The following DPYD variants were observed in gnomAD, a reference collection of about 807,000 sequenced individuals.
DPYD encodes the protein dihydropyrimidine dehydrogenase.
A neutral mutation model predicts 116.2 loss-of-function variants in DPYD; 109 were observed. The observed-to-expected ratio is 0.94, with a 90% CI of 0.80 to 1.10. The LOEUF (loss-of-function observed/expected upper bound fraction) is 1.10. DPYD is among the 50% of genes least tolerant of loss of function. The pLI is 0.00. For missense variants in DPYD, 1,302 were observed against 1,254.5 expected (o/e 1.04, Z -0.57); for synonymous variants, 440 against 432.0 (o/e 1.02, Z -0.23).
intron 18 of DPYD, among the ~76,000 whole-genome samples, chr1:97,277,382 A>G (rs1159709387): frequency 6.6e-6 from 1 of 151,976 alleles, no homozygotes; most frequent in Non-Finnish European, 1.5e-5. Context: ...TTAAAAAAAA[A>G]AAGAGAACAC....
chr1:97,173,862 A>G (rs1008745613), intron 20 of DPYD, among the ~76,000 whole-genome samples: 2 of 147,902 alleles, frequency 1.4e-5, no homozygotes, highest in Admixed American at 1.4e-4. Flanking sequence ...CAAAGGCAGA[A>G]ATCCTGAATG....
intron 18 of DPYD, among the ~76,000 whole-genome samples, chr1:97,252,444 T>C (rs551065321): frequency 1.3e-5 from 2 of 152,330 alleles, no homozygotes; most frequent in East Asian, 3.9e-4. Flanking sequence ...AGATGCTCTT[T>C]CTTGTTTTTT....
chr1:97,348,024 CTAAT>C (rs1262324381), intron 16 of DPYD, among the ~76,000 whole-genome samples: 1 of 152,050 alleles, frequency 6.6e-6, no homozygotes, highest in Non-Finnish European at 1.5e-5. Flanking sequence ...ATCTTTTTGA[CTAAT>C]TAGATTTCAA....
At chr1:97,521,403 G>A (rs1648652158) in intron 12 of DPYD, among the ~76,000 whole-genome samples, 1 of 152,106 alleles carries the variant, frequency 6.6e-6, no homozygotes, top group African/African-American at 2.4e-5. Flanking sequence ...ACTGCTCAAG[G>A]AAATAAGAGA....
At chr1:97,599,882 AAAAAAAAAAAAAAAT>A in intron 8 of DPYD, among the ~76,000 whole-genome samples, 1 of 146,008 alleles carries the variant, frequency 6.8e-6, no homozygotes, top group African/African-American at 2.6e-5. Context: ...AAAAAAAAAA[AAAAAAAAAAAAAAAT>A]TAGCCGGGCG....
chr1:97,291,801 A>T (rs1173912144), intron 18 of DPYD, among the ~76,000 whole-genome samples: 1 of 152,180 alleles, frequency 6.6e-6, no homozygotes, highest in Non-Finnish European at 1.5e-5. Flanking sequence ...GCTAAACTGC[A>T]CATTGTGCAC....
At chr1:97,809,742 G>T (rs1363043228) in intron 3 of DPYD, among the ~76,000 whole-genome samples, 1 of 152,060 alleles carries the variant, frequency 6.6e-6, no homozygotes, top group Non-Finnish European at 1.5e-5. Context: ...ACTGGGTTAA[G>T]GTGGAGAACC....
At chr1:97,129,504 A>G (rs1182879244) in intron 20 of DPYD, among the ~76,000 whole-genome samples, 1 of 152,070 alleles carries the variant, frequency 6.6e-6, no homozygotes, top group African/African-American at 2.4e-5. Flanking sequence ...GCTTCGTGTG[A>G]CCTCTGACTT....
rs368519011 is a variant in DPYD, at chr1:97,193,071, T to C, written c.2620A>G (p.Lys874Glu). The change falls in exon 20 of 23, where the codon AAG becomes GAG. Residue 874 changes from lysine to glutamate, a missense_variant and splice_region_variant. Coordinates refer to ENST00000370192, the MANE Select transcript of DPYD (RefSeq NM_000110.4). ...ACACAGGAGATTTAAGCACATACCTTGTCCATGAGTTCAGCTATACGTGGA... is the reference window on the plus strand; with the variant it reads ...ACACAGGAGATTTAAGCACATACCTCGTCCATGAGTTCAGCTATACGTGGA... ...PVPRIAELMDKKLPSFGPYLE... is the reference protein window; with the variant it reads ...PVPRIAELMDEKLPSFGPYLE... 3.1e-6 allele frequency: 5 copies of C among 1,613,758 alleles called. No homozygotes were observed. Among genetic ancestry groups the C allele is most frequent in the Non-Finnish European group, 4.2e-6 (5 of 1,179,842 alleles).
chr1:97,115,882 T>C (rs1235827746), intron 20 of DPYD, among the ~76,000 whole-genome samples: 1 of 152,140 alleles, frequency 6.6e-6, no homozygotes, highest in Non-Finnish European at 1.5e-5. Flanking sequence ...AAATACATAA[T>C]AAGTAAGAAA....
chr1:97,234,469 T>G (rs775197877), intron 19 of DPYD, among the ~76,000 whole-genome samples: 1 of 152,162 alleles, frequency 6.6e-6, no homozygotes, highest in Non-Finnish European at 1.5e-5. Context: ...GGATCAAATT[T>G]GGTAATGACA....
At chr1:97,613,508 C>A (rs1265861874) in intron 8 of DPYD, among the ~76,000 whole-genome samples, 1 of 151,918 alleles carries the variant, frequency 6.6e-6, no homozygotes, top group African/African-American at 2.4e-5. Context: ...TCCTTAAATG[C>A]GACATCTAGA....
In DPYD at chr1:97,261,401, C is replaced by A. The variant is rs542351482; in HGVS notation, c.2300-26407G>T. Among the ~76,000 whole-genome samples, 6 of 149,394 alleles carry A rather than the reference C, an allele frequency of 4.0e-5. No individual in the cohort carries two copies. In the East Asian group the frequency reaches 9.9e-4, roughly 25 times the overall value. ...AAATTAATGTAGAGATCCAACTGCA[C>A]AAATATGAGAAAATTAAGTATCAAG... On this transcript the variant is annotated intron_variant, in intron 18 of 22. Transcript: ENST00000370192.
At chr1:97,241,470 G>A (rs191491440) in intron 18 of DPYD, among the ~76,000 whole-genome samples, 168 of 152,052 alleles carry the variant, frequency 1.1e-3, no homozygotes, top group Admixed American at 2.5e-3. Context: ...CCAGTGTCAC[G>A]TAGTTTAAAA....
intron 1 of DPYD, among the ~76,000 whole-genome samples, chr1:97,916,751 A>G (rs556683715): frequency 1.3e-5 from 2 of 152,240 alleles, no homozygotes; most frequent in Admixed American, 1.3e-4. Flanking sequence ...TTTTCTTTAA[A>G]CTGCCCACAA....
At chr1:97,593,508 G>A (rs1424233612) in intron 9 of DPYD, 121 bp from the exon 10 acceptor site, 12 of 1,115,312 alleles carry the variant, frequency 1.1e-5, no homozygotes, top group Non-Finnish European at 1.6e-5. Context: ...AGGATGAAGT[G>A]TCACTATCAA....
chr1:97,550,431 T>A (rs1362547939), intron 11 of DPYD, among the ~76,000 whole-genome samples: 1 of 152,128 alleles, frequency 6.6e-6, no homozygotes, highest in East Asian at 1.9e-4. Context: ...TTCTAATGAA[T>A]CTAAAAGAGT....
At chr1:97,110,743 T>C (rs74994660) in intron 20 of DPYD, among the ~76,000 whole-genome samples, 3 of 152,122 alleles carry the variant, frequency 2.0e-5, no homozygotes, top group Admixed American at 6.6e-5. Context: ...TTCCAAACAA[T>C]TGAAATGCTT....
At chr1:97,355,135 A>T (rs995752730) in intron 16 of DPYD, among the ~76,000 whole-genome samples, 8 of 152,168 alleles carry the variant, frequency 5.3e-5, no homozygotes, top group Non-Finnish European at 8.8e-5. Flanking sequence ...CAATCACCTT[A>T]AGACACACTT....
Sources: allele counts gnomAD v4.1 joint callset (sites outside exome capture counted in the v4.1 genomes callset), GRCh38; gene constraint gnomAD v4.1.1; transcripts MANE v1.5; gene names NCBI Gene and HGNC (gene_info 2026-07-23, HGNC 2026-07-21).